EYS: variants seen among roughly 807,000 people sequenced by gnomAD.
The protein encoded by EYS is EGF-like photoreceptor maintenance factor.
A neutral mutation model predicts 282.1 loss-of-function variants in EYS; 250 were observed. That is an observed-to-expected ratio of 0.89 (90% CI 0.80 to 0.98). The LOEUF (loss-of-function observed/expected upper bound fraction) is 0.98. EYS is among the 50% of genes least tolerant of loss of function. EYS has a pLI of 0.00. For synonymous variants in EYS, 1,355 were observed against 1,282.9 expected, an observed-to-expected ratio of 1.06 and a Z score of -1.20; for missense variants, 4,016 against 3,709.0, an observed-to-expected ratio of 1.08 and a Z score of -2.15.
At position 63,766,791 on chromosome 6, in the gene EYS, C is replaced by G. The variant is rs79812590; in HGVS notation, c.7899-4158G>C. On this transcript the variant is annotated intron_variant, in intron 40 of 42. Transcript: ENST00000503581. ...TAGTCACCATTTTATGTCTCTCAAT[C>G]CTGTGGAAATGTTGGGACCATGAAA... 4.5e-3 allele frequency among the ~76,000 whole-genome samples: 677 copies of G among 151,958 alleles called. 7 individuals carry two copies. The highest frequency in any genetic ancestry group is 0.016 in the African/African-American group (650 of 41,460).
intron 14 of EYS, among the ~76,000 whole-genome samples, chr6:64,995,000 C>T (rs369919077): frequency 6.6e-6 from 1 of 152,090 alleles, no homozygotes; most frequent in South Asian, 2.1e-4. Context: ...GTCTTTGATA[C>T]CTGAGACCTC....
At chr6:65,428,507 A>ATTT (rs5876963) in intron 5 of EYS, among the ~76,000 whole-genome samples, 1 of 147,576 alleles carries the variant, frequency 6.8e-6, no homozygotes, top group African/African-American at 2.5e-5. Context: ...CATTAAACTC[A>ATTT]TTTTTTTTTT....
At chr6:65,213,979 T>C (rs1766243735) in intron 12 of EYS, among the ~76,000 whole-genome samples, 1 of 151,206 alleles carries the variant, frequency 6.6e-6, no homozygotes, top group South Asian at 2.1e-4. Flanking sequence ...GCTAACATGG[T>C]GAAATCCCGT....
chr6:64,107,579 T>C (rs113960645), intron 31 of EYS, among the ~76,000 whole-genome samples: 6,384 of 152,008 alleles, frequency 0.042, 396 homozygotes, highest in African/African-American at 0.14. Context: ...TCTGCTCTCC[T>C]CAGCCCACTG....
intron 41 of EYS, among the ~76,000 whole-genome samples, chr6:63,730,903 C>T (rs1232051109): frequency 2.0e-5 from 3 of 152,028 alleles, no homozygotes; most frequent in African/African-American, 4.8e-5. Context: ...CACCTGTAGC[C>T]CCAGCTATTC....
chr6:65,659,005 A>G (rs574524328), intron 1 of EYS, among the ~76,000 whole-genome samples: 1 of 151,496 alleles, frequency 6.6e-6, no homozygotes, highest in South Asian at 2.1e-4. Flanking sequence ...CTCTTTTTGA[A>G]GACCACATGG....
At chr6:63,986,660 G>T (rs988764070) in intron 34 of EYS, among the ~76,000 whole-genome samples, 2 of 151,736 alleles carry the variant, frequency 1.3e-5, no homozygotes, top group African/African-American at 2.4e-5. Context: ...ATTATCCTCA[G>T]CAAACTAATG....
chr6:63,974,326 A>T (rs1283768665), intron 35 of EYS, among the ~76,000 whole-genome samples: 3 of 152,208 alleles, frequency 2.0e-5, no homozygotes, highest in East Asian at 3.9e-4. Context: ...ACTAAAAAAA[A>T]CCATTAATAA....
At chr6:64,094,792 C>T (rs955269083) in intron 31 of EYS, among the ~76,000 whole-genome samples, 8 of 152,074 alleles carry the variant, frequency 5.3e-5, no homozygotes, top group Non-Finnish European at 1.2e-4. Context: ...TTGCCTTCTG[C>T]TAGCTTTTGA....
Position 64,703,429 on chromosome 6 carries a change from A to ATATATTTTTTTTT in EYS, c.3444-77185_3444-77184insAAAAAAAAATATA, listed in dbSNP as rs869208549. Among the ~76,000 whole-genome samples, 152 of 23,340 alleles carry ATATATTTTTTTTT rather than the reference A, an allele frequency of 6.5e-3. 9 individuals carry two copies. Among genetic ancestry groups the ATATATTTTTTTTT allele is most frequent in the Non-Finnish European group, 0.012 (107 of 8,972 alleles). 15.3% of individuals were successfully genotyped at this position (23,340 alleles called of 152,430 possible). A position where few individuals can be genotyped will look rare whatever the true frequency, so the allele number is the denominator to read the frequency against. Reference sequence around the variant, plus strand: ...CACACACATATATATATATATATATATTTTTTTTTTTTTTTTTTGAGATGG... The same window carrying ATATATTTTTTTTT: ...CACACACATATATATATATATATATATATATTTTTTTTTTTTTTTTTTTTTTTTTTTGAGATGG... On this transcript the variant is annotated intron_variant, in intron 22 of 42. Transcript: ENST00000503581.
intron 2 of EYS, among the ~76,000 whole-genome samples, chr6:65,521,171 A>G (rs7749840): frequency 0.99 from 150,895 of 152,264 alleles, 74,771 homozygotes; most frequent in East Asian, 1. Flanking sequence ...TAAAACTTTC[A>G]TTTTAGAGAT....
intron 23 of EYS, among the ~76,000 whole-genome samples, chr6:64,619,496 G>T (rs1767379094): frequency 6.6e-6 from 1 of 152,082 alleles, no homozygotes; most frequent in Non-Finnish European, 1.5e-5. Flanking sequence ...AAAAGTACCA[G>T]GGGGATGTTT....
At chr6:64,938,652 T>C (rs1045844504) in intron 15 of EYS, among the ~76,000 whole-genome samples, 1 of 151,654 alleles carries the variant, frequency 6.6e-6, no homozygotes, top group African/African-American at 2.4e-5. Context: ...AGATATTCAA[T>C]AATTTATTAT....
At chr6:65,632,305 C>T (rs189769509) in intron 2 of EYS, among the ~76,000 whole-genome samples, 45 of 152,216 alleles carry the variant, frequency 3.0e-4, no homozygotes, top group African/African-American at 1.0e-3. Flanking sequence ...ATGAATGTTC[C>T]TGATTTCCAC....
At chr6:64,506,907 T>C (rs1412944651) in intron 26 of EYS, among the ~76,000 whole-genome samples, 1 of 59,828 alleles carries the variant, frequency 1.7e-5, no homozygotes, top group Non-Finnish European at 3.3e-5. Context: ...AGGCTGTGTC[T>C]TAAAAAAAAA....
intron 37 of EYS, chr6:63,797,654 T>C (rs1309228793): frequency 6.6e-6 from 1 of 152,220 alleles, no homozygotes; most frequent in Non-Finnish European, 1.5e-5. Context: ...ATTAGAACCA[T>C]GTACAGCCAT....
chr6:63,729,180 GTGT>G (rs916158212), intron 41 of EYS, among the ~76,000 whole-genome samples: 4 of 152,022 alleles, frequency 2.6e-5, no homozygotes, highest in African/African-American at 9.7e-5. Context: ...GTTAATTTTT[GTGT>G]TGAATTTTAA....
At chr6:64,434,785 A>G (rs1774684923) in intron 28 of EYS, among the ~76,000 whole-genome samples, 2 of 152,142 alleles carry the variant, frequency 1.3e-5, no homozygotes, top group Non-Finnish European at 2.9e-5. Flanking sequence ...TTAGTACTTG[A>G]TATAAATTCC....
chr6:65,374,502 G>GTTT (rs70999201), intron 8 of EYS, among the ~76,000 whole-genome samples: 58,834 of 144,316 alleles, frequency 0.41, 12,787 homozygotes, highest in South Asian at 0.5. Context: ...TACCTGCGGA[G>GTTT]TTTTTTTTTT....
Sources: allele counts gnomAD v4.1 joint callset (sites outside exome capture counted in the v4.1 genomes callset), GRCh38; gene constraint gnomAD v4.1.1; transcripts MANE v1.5; gene names NCBI Gene and HGNC (gene_info 2026-07-23, HGNC 2026-07-21).